The following SEC24D variants were observed in gnomAD, a reference collection of about 807,000 sequenced individuals.
SEC24D encodes the protein protein transport protein Sec24D.
Under a neutral mutation model 116.9 loss-of-function variants are expected in SEC24D, and 69 were observed. That is an observed-to-expected ratio of 0.59 (90% CI 0.49 to 0.72). The LOEUF is 0.72. Among genes scored for constraint, SEC24D ranks in the 30% least tolerant of loss-of-function variants. The probability of loss-of-function intolerance (pLI) is 0.00; values close to 1 mark genes in which losing one functional copy is unlikely to be tolerated. For missense variants in SEC24D, 1,131 were observed against 1,264.1 expected, an observed-to-expected ratio of 0.89 and a Z score of 1.60; for synonymous variants, 405 against 442.8, an observed-to-expected ratio of 0.91 and a Z score of 1.07.
intron 8 of SEC24D, among the ~76,000 whole-genome samples, chr4:118,775,345 C>CAAAAAAAA (rs55740002): frequency 8.7e-6 from 1 of 114,528 alleles, no homozygotes; most frequent in African/African-American, 4.2e-5. Flanking sequence ...AGCAAAAGGT[C>CAAAAAAAA]AAAAAAAAAA....
At chr4:118,764,309 G>C (rs1294609996) in intron 10 of SEC24D, 1 of 152,266 alleles carries the variant, frequency 6.6e-6, no homozygotes, top group African/African-American at 2.4e-5. Context: ...GAAAATCAAA[G>C]GCCAGGATCT....
intron 13 of SEC24D, among the ~76,000 whole-genome samples, chr4:118,750,963 T>C (rs1423823021): frequency 6.6e-6 from 1 of 152,142 alleles, no homozygotes; most frequent in African/African-American, 2.4e-5. Flanking sequence ...GTTATACATT[T>C]AGATATAAAA....
intron 6 of SEC24D, among the ~76,000 whole-genome samples, chr4:118,812,116 C>T (rs1578464270): frequency 6.6e-6 from 1 of 152,212 alleles, no homozygotes; most frequent in Non-Finnish European, 1.5e-5. Context: ...ACCCCATGAA[C>T]AAACCCAGTA....
intron 6 of SEC24D, among the ~76,000 whole-genome samples, chr4:118,812,107 C>A (rs1011782943): frequency 1.3e-5 from 2 of 152,186 alleles, no homozygotes; most frequent in African/African-American, 4.8e-5. Flanking sequence ...ATGTCTGCCA[C>A]CCCATGAACA....
chr4:118,725,931 G>A (rs1725388731), intron 22 of SEC24D, among the ~76,000 whole-genome samples: 1 of 152,132 alleles, frequency 6.6e-6, no homozygotes, highest in South Asian at 2.1e-4. Context: ...GGTATGGATT[G>A]GTAGATCCAT....
chr4:118,765,165 G>T (rs1023552069), intron 9 of SEC24D, among the ~76,000 whole-genome samples: 3 of 152,084 alleles, frequency 2.0e-5, no homozygotes, highest in Non-Finnish European at 2.9e-5. Context: ...GAGAAACAGG[G>T]TATAAAAGTA....
At chr4:118,742,374 G>A (rs997038890) in intron 15 of SEC24D, among the ~76,000 whole-genome samples, 1 of 72,634 alleles carries the variant, frequency 1.4e-5, no homozygotes, top group Non-Finnish European at 5.0e-5. Context: ...TTGGAAAAGT[G>A]GGGGGGGGAA....
At chr4:118,745,735 T>C (rs908972660) in intron 13 of SEC24D, among the ~76,000 whole-genome samples, 1 of 152,200 alleles carries the variant, frequency 6.6e-6, no homozygotes, top group Admixed American at 6.5e-5. Flanking sequence ...AGTAACCTAC[T>C]AAGCAAAATT....
intron 6 of SEC24D, among the ~76,000 whole-genome samples, chr4:118,810,216 A>G (rs1440731673): frequency 6.6e-6 from 1 of 150,872 alleles, no homozygotes; most frequent in African/African-American, 2.4e-5. Flanking sequence ...TTTTTAGAGT[A>G]TTGGTTTCCG....
chr4:118,829,898 C>T (rs1196789394), intron 2 of SEC24D, among the ~76,000 whole-genome samples: 1 of 151,890 alleles, frequency 6.6e-6, no homozygotes, highest in Non-Finnish European at 1.5e-5. Flanking sequence ...ATGTGAGCAA[C>T]ACAAAGCAAG....
At chr4:118,774,757 T>C (rs776063744) in intron 8 of SEC24D, among the ~76,000 whole-genome samples, 5 of 152,146 alleles carry the variant, frequency 3.3e-5, no homozygotes, top group Non-Finnish European at 5.9e-5. Context: ...CCATTCTCTA[T>C]AGGAGCTGCC....
At chr4:118,756,590 G>A (rs1727109669) in intron 11 of SEC24D, among the ~76,000 whole-genome samples, 1 of 152,084 alleles carries the variant, frequency 6.6e-6, no homozygotes, top group African/African-American at 2.4e-5. Context: ...TCTAAGGGCT[G>A]AAGCCAACAA....
chr4:118,731,031 G>A, intron 21 of SEC24D: 1 of 356,810 alleles, frequency 2.8e-6, no homozygotes, highest in South Asian at 2.7e-5. Context: ...TAACTGAAAT[G>A]GTATATTTAA....
intron 8 of SEC24D, among the ~76,000 whole-genome samples, chr4:118,771,432 C>T (rs758500671): frequency 3.3e-5 from 5 of 152,170 alleles, no homozygotes; most frequent in Non-Finnish European, 5.9e-5. Flanking sequence ...CCTGAGTTTA[C>T]ACAACATGAA....
Position 118,836,108 on chromosome 4 carries a change from G to A in SEC24D, c.-209C>T, listed in dbSNP as rs1176638659. ...TCACGCTCGGAGTTGCAGCTGGGCTGGGAACTGCCACGTCAAACCCTTTCT... is the reference window on the plus strand; with the variant it reads ...TCACGCTCGGAGTTGCAGCTGGGCTAGGAACTGCCACGTCAAACCCTTTCT... On this transcript the variant is annotated 5_prime_UTR_variant, in exon 1 of 23. Transcript: ENST00000280551. The A allele has an allele frequency of 6.6e-6, 1 of 152,146 alleles. No homozygotes were observed. Among genetic ancestry groups the A allele is most frequent in the Non-Finnish European group, 1.5e-5 (1 of 68,084 alleles). 9.4% of individuals were successfully genotyped at this position (152,146 alleles called of 1,614,324 possible).
chr4:118,744,902 C>T (rs1317260232), intron 14 of SEC24D, 42 bp downstream of exon 14: 1 of 1,110,418 alleles, frequency 9.0e-7, no homozygotes, highest in South Asian at 1.3e-5. Context: ...TTTAACTCCT[C>T]TTAATAATTG....
chr4:118,809,331 G>C (rs1729806605), intron 6 of SEC24D, among the ~76,000 whole-genome samples: 1 of 152,158 alleles, frequency 6.6e-6, no homozygotes, highest in South Asian at 2.1e-4. Context: ...GAGGGAGGAA[G>C]AGTTTTGATG....
At chr4:118,745,450 T>C (rs943542246) in intron 13 of SEC24D, among the ~76,000 whole-genome samples, 1 of 152,224 alleles carries the variant, frequency 6.6e-6, no homozygotes, top group Non-Finnish European at 1.5e-5. Flanking sequence ...ATTCCCAGGA[T>C]GGTGATGCCA....
chr4:118,746,347 G>A (rs906934017), intron 13 of SEC24D, among the ~76,000 whole-genome samples: 7 of 151,984 alleles, frequency 4.6e-5, no homozygotes, highest in Non-Finnish European at 8.8e-5. Context: ...AGCTGCTACC[G>A]ACATTTATTG....
Sources: allele counts gnomAD v4.1 joint callset (sites outside exome capture counted in the v4.1 genomes callset), GRCh38; gene constraint gnomAD v4.1.1; transcripts MANE v1.5; gene names NCBI Gene and HGNC (gene_info 2026-07-23, HGNC 2026-07-21).